The following COL25A1 variants were observed in gnomAD, a reference collection of about 807,000 sequenced individuals.
The protein encoded by COL25A1 is collagen alpha-1(XXV) chain.
In COL25A1, 103 loss-of-function variants were observed where a neutral mutation model predicts 128.4. That is an observed-to-expected ratio of 0.80 (90% CI 0.68 to 0.94). COL25A1 has a LOEUF of 0.94. Ranked by LOEUF, COL25A1 falls within the 40% of genes least tolerant of loss-of-function variation. The pLI is 0.00. For missense variants in COL25A1, 745 were observed against 840.0 expected (o/e 0.89, Z 1.40); for synonymous variants, 279 against 277.2 (o/e 1.01, Z -0.06).
At chr4:108,872,113 G>A (rs534906095) in intron 19 of COL25A1, among the ~76,000 whole-genome samples, 8 of 152,182 alleles carry the variant, frequency 5.3e-5, no homozygotes, top group South Asian at 4.2e-4. Flanking sequence ...ATGAATACAC[G>A]GAGTATGAAA....
chr4:109,101,910 A>G (rs1391412559), intron 3 of COL25A1, among the ~76,000 whole-genome samples: 2 of 152,204 alleles, frequency 1.3e-5, no homozygotes, highest in Non-Finnish European at 2.9e-5. Flanking sequence ...GAGTTTAATG[A>G]ACCCCATTCC....
chr4:108,948,878 C>T (rs1275966184), intron 8 of COL25A1, among the ~76,000 whole-genome samples: 2 of 152,212 alleles, frequency 1.3e-5, no homozygotes, highest in South Asian at 2.1e-4. Context: ...CACTTCAACA[C>T]TGGCAAATGC....
chr4:109,249,013 C>T (rs1354963729), intron 3 of COL25A1, among the ~76,000 whole-genome samples: 2 of 152,172 alleles, frequency 1.3e-5, no homozygotes, highest in Non-Finnish European at 2.9e-5. Flanking sequence ...AGGTGCCAGA[C>T]ATTGTAATAA....
At chr4:109,086,759 C>A (rs961441091) in intron 3 of COL25A1, among the ~76,000 whole-genome samples, 4 of 152,156 alleles carry the variant, frequency 2.6e-5, no homozygotes, top group Non-Finnish European at 5.9e-5. Flanking sequence ...CTGGCTAAGT[C>A]TTCTTGGAAG....
intron 8 of COL25A1, among the ~76,000 whole-genome samples, chr4:108,969,042 C>T (rs1439076211): frequency 6.6e-6 from 1 of 152,242 alleles, no homozygotes; most frequent in Non-Finnish European, 1.5e-5. Context: ...GTCACAGGTC[C>T]TCAGTGTCAG....
At chr4:108,871,440 C>T (rs369908401) in intron 19 of COL25A1, among the ~76,000 whole-genome samples, 1 of 152,024 alleles carries the variant, frequency 6.6e-6, no homozygotes, top group Non-Finnish European at 1.5e-5. Flanking sequence ...CTCAGCCTCC[C>T]GAGTAGCTGG....
At chr4:108,920,281 C>G (rs1472988968) in intron 12 of COL25A1, among the ~76,000 whole-genome samples, 1 of 152,130 alleles carries the variant, frequency 6.6e-6, no homozygotes, top group Non-Finnish European at 1.5e-5. Flanking sequence ...ATCAAATTAT[C>G]TTTCACATTT....
intron 3 of COL25A1, among the ~76,000 whole-genome samples, chr4:109,090,984 A>T (rs1302590748): frequency 2.0e-5 from 3 of 152,228 alleles, no homozygotes; most frequent in Non-Finnish European, 4.4e-5. Context: ...AGGAATAGAC[A>T]TTAAATGTCC....
chr4:109,151,289 T>C (rs765951231), intron 3 of COL25A1, among the ~76,000 whole-genome samples: 3 of 152,162 alleles, frequency 2.0e-5, no homozygotes, highest in Non-Finnish European at 4.4e-5. Context: ...CAATGTATGA[T>C]GTCTTCCTAA....
intron 8 of COL25A1, among the ~76,000 whole-genome samples, chr4:108,970,760 T>TCA (rs1467571732): frequency 1.3e-5 from 2 of 152,220 alleles, no homozygotes; most frequent in African/African-American, 4.8e-5. Context: ...TTCTATGTAT[T>TCA]CAACTTCTAA....
chr4:109,244,263 A>C (rs767544502), intron 3 of COL25A1, among the ~76,000 whole-genome samples: 5 of 152,080 alleles, frequency 3.3e-5, no homozygotes, highest in Non-Finnish European at 7.4e-5. Flanking sequence ...CAGTGTCTAC[A>C]CTGTGAATTA....
rs1730832821 is a variant in COL25A1, at chr4:108,811,981, T to C, written c.*1946A>G. ...ATTTCCCTTCTGGTGGTGACACCTA[T>C]GCATGAAACTAGAAATCTTCCCAGA... On this transcript the variant is annotated 3_prime_UTR_variant, in exon 38 of 38. Transcript: ENST00000399132. 1 of 152,178 alleles carries C rather than the reference T, an allele frequency of 6.6e-6. No homozygotes were observed. The highest frequency in any genetic ancestry group is 1.5e-5 in the Non-Finnish European group (1 of 68,018). The allele number at this position is 152,178 out of a possible 1,614,324, so 9.4% of individuals were successfully genotyped here. A position where few individuals can be genotyped will look rare whatever the true frequency, so the allele number is the denominator to read the frequency against.
At position 109,302,048 on chromosome 4, in the gene COL25A1, C is replaced by T. The variant is rs541262755; in HGVS notation, c.-29G>A. 1.9e-6 allele frequency: 3 copies of T among 1,557,412 alleles called. No individual in the cohort carries two copies. The highest frequency in any genetic ancestry group is 4.5e-5 in the East Asian group (2 of 44,416). ...GGCGGGGTCGGCCGTCTCGGCTTCG[C>T]TTCCCACCCTCTACACCTCAAATAA... On this transcript the variant is annotated 5_prime_UTR_variant, in exon 2 of 38. Coordinates refer to ENST00000399132, the MANE Select transcript of COL25A1 (RefSeq NM_198721.4).
At chr4:109,046,569 T>A (rs948101629) in intron 5 of COL25A1, among the ~76,000 whole-genome samples, 3 of 152,166 alleles carry the variant, frequency 2.0e-5, no homozygotes, top group Non-Finnish European at 4.4e-5. Flanking sequence ...GAGACTTAAG[T>A]ATGAAGCCAA....
At chr4:108,861,677 C>A (rs2125792348) in intron 22 of COL25A1, among the ~76,000 whole-genome samples, 1 of 152,280 alleles carries the variant, frequency 6.6e-6, no homozygotes, top group Middle Eastern at 3.4e-3. Context: ...CAGGAATAGT[C>A]CAAGCCCTCA....
intron 31 of COL25A1, among the ~76,000 whole-genome samples, chr4:108,838,988 T>A (rs188029549): frequency 1.3e-5 from 2 of 152,102 alleles, no homozygotes; most frequent in Admixed American, 1.3e-4. Flanking sequence ...AGCGTAGACA[T>A]TAATTTGCCA....
intron 3 of COL25A1, among the ~76,000 whole-genome samples, chr4:109,104,682 G>A (rs1355730199): frequency 2.0e-5 from 3 of 151,806 alleles, no homozygotes; most frequent in South Asian, 2.1e-4. Context: ...CTGGAATCTG[G>A]GAAACTACAG....
intron 3 of COL25A1, among the ~76,000 whole-genome samples, chr4:109,061,892 T>C (rs1228954370): frequency 6.6e-6 from 1 of 151,998 alleles, no homozygotes; most frequent in Non-Finnish European, 1.5e-5. Context: ...GCTATATCTA[T>C]CACACAGCAA....
intron 3 of COL25A1, 87 bp from the exon 4 acceptor site, chr4:109,050,266 C>A: frequency 9.9e-7 from 1 of 1,005,086 alleles, no homozygotes; most frequent in South Asian, 1.7e-5. Context: ...TATATATTTT[C>A]TCATTGTTTT....
Sources: allele counts gnomAD v4.1 joint callset (sites outside exome capture counted in the v4.1 genomes callset), GRCh38; gene constraint gnomAD v4.1.1; transcripts MANE v1.5; gene names NCBI Gene and HGNC (gene_info 2026-07-23, HGNC 2026-07-21).